Variants in CYP11A1 observed in about 807,000 individuals in gnomAD.
CYP11A1 encodes the protein cholesterol side-chain cleavage enzyme, mitochondrial.
CYP11A1 carries 25 observed loss-of-function variants against 51.9 expected under a neutral mutation model. That is an observed-to-expected ratio of 0.48 (90% CI 0.35 to 0.67). The LOEUF is 0.67. Ranked by LOEUF, CYP11A1 falls within the 30% of genes least tolerant of loss-of-function variation. CYP11A1 has a pLI of 0.00. For synonymous variants in CYP11A1, 245 were observed against 262.1 expected, an observed-to-expected ratio of 0.93 and a Z score of 0.63; for missense variants, 578 against 680.9, an observed-to-expected ratio of 0.85 and a Z score of 1.68.
At chr15:74,366,175 C>G in intron 1 of CYP11A1, 1 of 985,218 alleles carries the variant, frequency 1.0e-6, no homozygotes, top group Non-Finnish European at 1.2e-6. Flanking sequence ...GCCCGGGCGG[C>G]GGCGTGCGCT....
At position 74,342,972 on chromosome 15, in the gene CYP11A1, C is replaced by T. The variant is rs1165412320; in HGVS notation, c.990+5G>A. On this transcript the variant is annotated splice_donor_5th_base_variant and intron_variant, in intron 5 of 8. Coordinates refer to ENST00000268053, the MANE Select transcript of CYP11A1 (RefSeq NM_000781.3). ...AACAAGGTGCCGCCCCTACAGCCAC[C>T]TCACCGTGTCCACCCCTCCTGCCAG... 1.2e-6 allele frequency: 2 copies of T among 1,612,116 alleles called. No individual in the cohort carries two copies. Among genetic ancestry groups the T allele is most frequent in the African/African-American group, 1.3e-5 (1 of 74,864 alleles).
chr15:74,354,888 C>T (rs1236171710), intron 1 of CYP11A1, among the ~76,000 whole-genome samples: 1 of 152,180 alleles, frequency 6.6e-6, no homozygotes, highest in African/African-American at 2.4e-5. Context: ...AGACAGTCTT[C>T]CCTTGGTGTT....
intron 1 of CYP11A1, among the ~76,000 whole-genome samples, chr15:74,355,618 C>T (rs1484624817): frequency 6.6e-6 from 1 of 152,154 alleles, no homozygotes; most frequent in Non-Finnish European, 1.5e-5. Context: ...TCAGTTTCTG[C>T]TCCTCCACCC....
intron 1 of CYP11A1, among the ~76,000 whole-genome samples, chr15:74,358,890 C>A (rs72563796): frequency 2.0e-5 from 3 of 152,120 alleles, no homozygotes; most frequent in East Asian, 3.9e-4. Context: ...AAAGGTAAAA[C>A]GGACTAATGG....
intron 8 of CYP11A1, 124 bp from the exon 9 acceptor site, chr15:74,338,227 C>CAGG: frequency 8.8e-7 from 1 of 1,141,890 alleles, no homozygotes. Flanking sequence ...AGTTCACCAC[C>CAGG]AGCTCCTGGT....
At chr15:74,350,693 A>G (rs1843090) in intron 1 of CYP11A1, 98,865 of 152,084 alleles carry the variant, frequency 0.65, 32,523 homozygotes, top group Non-Finnish European at 0.71. Context: ...TACATAAGGC[A>G]TATGGAATTA....
rs571183316 is a variant in CYP11A1, at chr15:74,338,709, C to T, written c.1296G>A (p.Pro432=). The change falls in exon 8 of 9, where the codon CCG becomes CCA. Residue 432 remains proline, a synonymous_variant. Coordinates refer to ENST00000268053, the MANE Select transcript of CYP11A1 (RefSeq NM_000781.3). ...LGREPTFFFD[P]ENFDPTRWLS... Reference sequence around the variant, plus strand: ...GCCATCGGGTTGGGTCAAAATTTTCCGGGTCGAAGAAGAAGGTGGGCTCTC... The same window carrying T: ...GCCATCGGGTTGGGTCAAAATTTTCTGGGTCGAAGAAGAAGGTGGGCTCTC... 5.6e-6 allele frequency: 9 copies of T among 1,614,168 alleles called. No individual in the cohort carries two copies. Among genetic ancestry groups the T allele is most frequent in the East Asian group, 2.2e-5 (1 of 44,894 alleles).
chr15:74,356,948 A>G (rs2060683411), intron 1 of CYP11A1, among the ~76,000 whole-genome samples: 1 of 152,224 alleles, frequency 6.6e-6, no homozygotes, highest in Non-Finnish European at 1.5e-5. Flanking sequence ...TAAAAAGATT[A>G]AAGCCTGTTA....
At chr15:74,338,189 G>T in intron 8 of CYP11A1, 86 bp from the exon 9 acceptor site, 1 of 1,509,330 alleles carries the variant, frequency 6.6e-7, no homozygotes, top group Non-Finnish European at 9.2e-7. Context: ...GGCAGTGCCT[G>T]TGGAGTGTGA....
chr15:74,346,501 A>G (rs1052954724), intron 2 of CYP11A1, among the ~76,000 whole-genome samples: 1 of 152,082 alleles, frequency 6.6e-6, no homozygotes, highest in Admixed American at 6.6e-5. Flanking sequence ...GTGTACCACA[A>G]TTCACTCACT....
chr15:74,339,812 A>T, intron 5 of CYP11A1, 59 bp from the exon 6 acceptor site: 1 of 1,554,746 alleles, frequency 6.4e-7, no homozygotes, highest in Non-Finnish European at 8.9e-7. Flanking sequence ...GGGCCCCTTG[A>T]GGTCCTTGAC....
chr15:74,359,054 A>C (rs1391066694), intron 1 of CYP11A1, among the ~76,000 whole-genome samples: 1 of 152,180 alleles, frequency 6.6e-6, no homozygotes, highest in Non-Finnish European at 1.5e-5. Flanking sequence ...CCCAATTCTT[A>C]GTCCTTTAAT....
chr15:74,354,534 A>G (rs2060669552), intron 1 of CYP11A1: 1 of 153,328 alleles, frequency 6.5e-6, no homozygotes, highest in Non-Finnish European at 1.5e-5. Context: ...AGGGACACGC[A>G]TGAAATTTGG....
rs2060629131 is a variant in CYP11A1 at position 74,345,514 on chromosome 15, G to A, written c.426-271C>T. Among the ~76,000 whole-genome samples the A allele has an allele frequency of 1.3e-5, 2 of 152,174 alleles. No homozygotes were observed. The highest frequency in any genetic ancestry group is 6.5e-5 in the Admixed American group (1 of 15,282). On this transcript the variant is annotated intron_variant, in intron 2 of 8. Transcript: ENST00000268053. The surrounding 1 kb of genome is among the most constrained non-coding windows in gnomAD (Gnocchi z 4.3). ...CTCCCTCTGCTGAGGGCCAGGAACT[G>A]ATATTCTTAGAACCCTTTGTGTAAC...
At chr15:74,366,869 C>T (rs985394846) in intron 1 of CYP11A1, 1 of 179,890 alleles carries the variant, frequency 5.6e-6, no homozygotes, top group Non-Finnish European at 1.2e-5. Flanking sequence ...GCGCCTGCCA[C>T]CACACCCAGC....
chr15:74,339,374 G>A, intron 6 of CYP11A1, 59 bp from the exon 7 acceptor site: 4 of 1,553,110 alleles, frequency 2.6e-6, no homozygotes, highest in Non-Finnish European at 3.6e-6. Flanking sequence ...AGCCGCCGGA[G>A]CCCCACACCC....
Position 74,345,915 on chromosome 15 carries a change from T to C in CYP11A1, c.426-672A>G, listed in dbSNP as rs560874708. On this transcript the variant is annotated intron_variant, in intron 2 of 8. Transcript: ENST00000268053. The surrounding 1 kb of genome is among the most constrained non-coding windows in gnomAD (Gnocchi z 4.3). The stretch of plus-strand genomic sequence containing the variant: ...ACTTGACAGTAACTTACACTTGCCC[T>C]CCTGGTCCTTCCACATCCTTTGTTC... 6.6e-6 allele frequency among the ~76,000 whole-genome samples: 1 copy of C among 152,306 alleles called. No homozygotes were observed. The highest frequency in any genetic ancestry group is 1.9e-4 in the East Asian group (1 of 5,184).
intron 1 of CYP11A1, chr15:74,362,729 C>T (rs1366607985): frequency 6.6e-6 from 1 of 152,176 alleles, no homozygotes. Flanking sequence ...TCATGAAACT[C>T]TTATTTTTGA....
In CYP11A1 at chr15:74,346,563, G is replaced by A. The variant is rs537788448; in HGVS notation, c.426-1320C>T. Among the ~76,000 whole-genome samples the A allele has an allele frequency of 5.9e-5, 9 of 151,886 alleles. No homozygotes were observed. In the East Asian group the frequency reaches 9.7e-4, roughly 16 times the overall value. ...CTTTCTGGTTTTTAATATCATGAAC[G>A]GTACCACTGCAAACCTTCTACTACA... On this transcript the variant is annotated intron_variant, in intron 2 of 8. Transcript: ENST00000268053.
Sources: allele counts gnomAD v4.1 joint callset (sites outside exome capture counted in the v4.1 genomes callset), GRCh38; gene constraint gnomAD v4.1.1; non-coding constraint Gnocchi (gnomAD v3.1); transcripts MANE v1.5; gene names NCBI Gene and HGNC (gene_info 2026-07-23, HGNC 2026-07-21).